NOS3: variants seen among roughly 807,000 people sequenced by gnomAD.
The protein encoded by NOS3 is nitric oxide synthase 3.
NOS3 carries 98 observed loss-of-function variants against 144.9 expected under a neutral mutation model. The ratio of observed to expected loss-of-function variants is 0.68; its 90% CI spans 0.57 to 0.80. The LOEUF is 0.80. Among genes scored for constraint, NOS3 ranks in the 30% least tolerant of loss-of-function variants. NOS3 has a pLI of 0.00. For missense variants in NOS3, 1,465 were observed against 1,656.4 expected (o/e 0.88, Z 2.01); for synonymous variants, 714 against 702.4 (o/e 1.02, Z -0.26).
At chr7:151,005,218 A>G (rs1795188299) in intron 14 of NOS3, among the ~76,000 whole-genome samples, 1 of 152,152 alleles carries the variant, frequency 6.6e-6, no homozygotes. Context: ...GTACATTTAC[A>G]ACATGTGTGC....
chr7:150,992,970 G>C (rs1360821004), intron 1 of NOS3, among the ~76,000 whole-genome samples: 1 of 152,014 alleles, frequency 6.6e-6, no homozygotes, highest in African/African-American at 2.4e-5. Flanking sequence ...CTCCCACCAG[G>C]GCATCAAGCT....
intron 23 of NOS3, among the ~76,000 whole-genome samples, chr7:151,011,414 GT>G (rs968008901): frequency 1.3e-4 from 19 of 150,428 alleles, no homozygotes; most frequent in African/African-American, 2.4e-4. Context: ...GAAGGTTTTG[GT>G]TTTTTTTTCC....
In NOS3 at chr7:151,003,193, A is replaced by G. The variant is rs1483706415; in HGVS notation, c.1752+889A>G. ...CAGGCTGGAGTGCAGTAGTACAATC[A>G]CGGCTCACTGCAGCCTCAACCTCCT... On this transcript the variant is annotated intron_variant, in intron 14 of 26. Transcript: ENST00000297494. The surrounding 1 kb of genome is among the most constrained non-coding windows in gnomAD (Gnocchi z 4.1). The G allele has an allele frequency of 4.4e-6, 2 of 453,146 alleles. No individual in the cohort carries two copies. Among genetic ancestry groups the G allele is most frequent in the East Asian group, 1.4e-4 (2 of 14,366 alleles). 28.1% of individuals were successfully genotyped at this position (453,146 alleles called of 1,614,324 possible). A position where few individuals can be genotyped will look rare whatever the true frequency, so the allele number is the denominator to read the frequency against.
chr7:151,006,047 A>G (rs1043039699), intron 14 of NOS3, among the ~76,000 whole-genome samples: 2 of 152,170 alleles, frequency 1.3e-5, no homozygotes, highest in East Asian at 1.9e-4. Context: ...ACTTACGTCA[A>G]TATTGTTGTA....
chr7:151,001,214 CT>C lies in NOS3; in HGVS notation c.1234-16del, dbSNP rs770144497. The C allele has an allele frequency of 9.9e-6, 16 of 1,610,608 alleles. No individual in the cohort carries two copies. The highest frequency in any genetic ancestry group is 1.3e-5 in the African/African-American group (1 of 74,844). On this transcript the variant is annotated splice_polypyrimidine_tract_variant and intron_variant, in intron 10 of 26. Transcript: ENST00000297494. ...GTGGGTCTGGTTTGAGCCTCTCCCCCTCTCTCTCCCTTCCAGCTAGCCAAAG... is the reference window on the plus strand; with the variant it reads ...GTGGGTCTGGTTTGAGCCTCTCCCCCCTCTCTCCCTTCCAGCTAGCCAAAG...
intron 15 of NOS3, 99 bp downstream of exon 15, chr7:151,006,593 C>A: frequency 9.5e-7 from 1 of 1,055,780 alleles, no homozygotes; most frequent in South Asian, 1.3e-5. Flanking sequence ...TGCCTCAAGT[C>A]GTTTTCCCAC....
chr7:150,999,300 G>C lies in NOS3; in HGVS notation c.1067G>C (p.Trp356Ser). Residue 356 changes from tryptophan (W) to serine (S), a missense_variant, in exon 9 of 27, where the codon TGG becomes TCG. By Grantham distance (177) the Trp-to-Ser change is radical (BLOSUM62 -3). Coordinates refer to ENST00000297494, the MANE Select transcript of NOS3 (RefSeq NM_000603.5). ...TTCCCCGCAGCCCCCTTCAGTGGCT[G>C]GTACATGAGCACTGAGATCGGCACG... ...LEFPAAPFSG[W>S]YMSTEIGTRN... 6.2e-7 allele frequency: 1 copy of C among 1,611,368 alleles called. No individual in the cohort carries two copies. The highest frequency in any genetic ancestry group is 8.5e-7 in the Non-Finnish European group (1 of 1,179,418).
chr7:151,012,456 T>C lies in NOS3; in HGVS notation c.3090T>C (p.His1030=). ...PFRGFWQERL[H]DIESKGLQPT... The stretch of plus-strand genomic sequence containing the variant: ...GGGGATTCTGGCAGGAGCGGCTGCA[T>C]GACATTGAGAGCAAAGGTGAGGCTG... Residue 1030 remains histidine (H), a synonymous_variant, in exon 24 of 27, where the codon CAT becomes CAC. Transcript: ENST00000297494. 1 of 1,611,952 alleles carries C rather than the reference T, an allele frequency of 6.2e-7. No homozygotes were observed.
rs899162473 is a variant in NOS3, at chr7:151,010,254, C to T, written c.2652C>T (p.Pro884=). 3.1e-6 allele frequency: 5 copies of T among 1,612,830 alleles called. No individual in the cohort carries two copies. Among genetic ancestry groups the T allele is most frequent in the Non-Finnish European group, 4.2e-6 (5 of 1,179,900 alleles). ...TGCTCAGCACCTTGGCAGAAGAGCC[C>T]AGGGAACAGCAGGAGCTGGAGGCCC... ...LRLLSTLAEE[P]REQQELEALS... Residue 884 remains proline, a synonymous_variant, in exon 21 of 27, where the codon CCC becomes CCT. Transcript: ENST00000297494.
chr7:151,002,761 T>G lies in NOS3; in HGVS notation c.1752+457T>G. On this transcript the variant is annotated intron_variant, in intron 14 of 26. Coordinates refer to ENST00000297494, the MANE Select transcript of NOS3 (RefSeq NM_000603.5). This position sits in a 1 kb window ranked among gnomAD's most constrained non-coding sequence, Gnocchi z 4.1. ...CACAGGTGTGTTCAGTTTGTAAAAATCCACAGAGCTGTACATTTACAACAT... is the reference window on the plus strand; with the variant it reads ...CACAGGTGTGTTCAGTTTGTAAAAAGCCACAGAGCTGTACATTTACAACAT... 1 of 196,994 alleles carries G rather than the reference T, an allele frequency of 5.1e-6. No homozygotes were observed. 12.2% of individuals were successfully genotyped at this position (196,994 alleles called of 1,614,324 possible).
At position 151,003,125 on chromosome 7, in the gene NOS3, C is replaced by CT. The variant is rs759272073; in HGVS notation, c.1752+827dup. 2 of 452,232 alleles carry CT rather than the reference C, an allele frequency of 4.4e-6. No homozygotes were observed. Among genetic ancestry groups the CT allele is most frequent in the Admixed American group, 2.4e-5 (1 of 42,204 alleles). The allele number at this position is 452,232 out of a possible 1,614,324, so 28.0% of individuals were successfully genotyped here. ...TAGCACTAAGTACTTCCTCAGTACT[C>CT]TTTTTTCTTTTTTCCTTTGAGACAG... On this transcript the variant is annotated intron_variant, in intron 14 of 26. Transcript: ENST00000297494. This position sits in a 1 kb window ranked among gnomAD's most constrained non-coding sequence, Gnocchi z 4.1.
At chr7:151,013,465 G>A in intron 25 of NOS3, 86 bp downstream of exon 25, 2 of 1,491,424 alleles carry the variant, frequency 1.3e-6, no homozygotes, top group Non-Finnish European at 1.8e-6. Flanking sequence ...CACCAACCAC[G>A]GCCCTCCCGT....
chr7:150,998,368 C>T lies in NOS3; in HGVS notation c.594C>T (p.Ala198=). 4 of 1,612,042 alleles carry T rather than the reference C, an allele frequency of 2.5e-6. No individual in the cohort carries two copies. Among genetic ancestry groups the T allele is most frequent in the Non-Finnish European group, 2.5e-6 (3 of 1,179,758 alleles). ...IQWGKLQVFD[A]RDCRSAQEMF... ...CTCGGCTGGCTCAGGTGTTCGATGC[C>T]CGGGACTGCAGGTCTGCACAGGAAA... The change falls in exon 6 of 27, where the codon GCC becomes GCT. Residue 198 remains alanine (A), a synonymous_variant. Coordinates refer to ENST00000297494, the MANE Select transcript of NOS3 (RefSeq NM_000603.5). This position sits in a 1 kb window ranked among gnomAD's most constrained non-coding sequence, Gnocchi z 5.0.
At chr7:150,996,205 T>C (rs1448822363) in intron 3 of NOS3, among the ~76,000 whole-genome samples, 199 bp from the exon 4 acceptor site, 2 of 2,808 alleles carry the variant, frequency 7.1e-4, no homozygotes, top group African/African-American at 5.6e-3. Flanking sequence ...CCCTTCCTCC[T>C]TCTCCCCGTC....
rs1415254378 is a variant in NOS3, at chr7:151,002,303, AGG to A, written c.1752_1752+1del. 1.3e-6 allele frequency: 2 copies of A among 1,561,524 alleles called. No homozygotes were observed. The highest frequency in any genetic ancestry group is 1.7e-6 in the Non-Finnish European group (2 of 1,143,998). On this transcript the variant is annotated splice_donor_variant and coding_sequence_variant, in exon 14 of 27. Transcript: ENST00000297494. LOFTEE classifies it high-confidence loss of function. This position sits in a 1 kb window ranked among gnomAD's most constrained non-coding sequence, Gnocchi z 4.1. ...AATGGGGATCCCCCGGAGAATGGAG[AGG>A]TGAGAACTTCCAGGAAAGGGGCTGC...
intron 24 of NOS3, 101 bp downstream of exon 24, chr7:151,012,573 CAA>C: frequency 7.3e-7 from 1 of 1,379,134 alleles, no homozygotes; most frequent in East Asian, 2.4e-5. Context: ...GGGCAGGAAA[CAA>C]AGTCCACAAA....
chr7:150,999,161 G>A (rs369937278), intron 8 of NOS3, 29 bp from the exon 9 acceptor site: 2 of 1,610,258 alleles, frequency 1.2e-6, no homozygotes, highest in Non-Finnish European at 1.7e-6. Flanking sequence ...CTGCAAGGGG[G>A]TGCTGATCCC....
Position 151,009,390 on chromosome 7 carries a change from AC to A in NOS3, c.2325-3del. The A allele has an allele frequency of 9.9e-7, 1 of 1,005,978 alleles. No homozygotes were observed. The highest frequency in any genetic ancestry group is 1.2e-6 in the Non-Finnish European group (1 of 818,460). The allele number at this position is 1,005,978 out of a possible 1,614,324, so 62.3% of individuals were successfully genotyped here. A position where few individuals can be genotyped will look rare whatever the true frequency, so the allele number is the denominator to read the frequency against. ...ACTCCCCATAAGTGCCCCTCTCCCC[AC>A]CCCCAGGAGGGCCACCATCCTGGTG... is the stretch of plus-strand genomic sequence containing the variant. On this transcript the variant is annotated splice_region_variant and splice_polypyrimidine_tract_variant and intron_variant, in intron 19 of 26. Coordinates refer to ENST00000297494, the MANE Select transcript of NOS3 (RefSeq NM_000603.5).
intron 9 of NOS3, among the ~76,000 whole-genome samples, chr7:151,000,267 A>C (rs1028918382): frequency 6.6e-6 from 1 of 151,988 alleles, no homozygotes. Context: ...CCCATTTTAG[A>C]GATGAGAAAT....
Sources: gnomAD v4.1 joint callset for allele counts (sites outside exome capture counted in the v4.1 genomes callset) on GRCh38, gnomAD v4.1.1 for gene constraint, Gnocchi (gnomAD v3.1) non-coding constraint, MANE v1.5 for transcripts, NCBI Gene and HGNC (gene_info 2026-07-23, HGNC 2026-07-21) for gene names.